POLR2I: variants seen among roughly 807,000 people sequenced by gnomAD.
The protein encoded by POLR2I is DNA-directed RNA polymerase II subunit RPB9.
POLR2I carries 15 observed loss-of-function variants against 23.0 expected under a neutral mutation model. The ratio of observed to expected loss-of-function variants is 0.65; its 90% CI spans 0.44 to 1.00. The LOEUF is 1.00. POLR2I is among the 50% of genes least tolerant of loss of function. The pLI, the probability that POLR2I is intolerant of heterozygous loss-of-function variation, is 0.00. For missense variants in POLR2I, 120 were observed against 173.7 expected (o/e 0.69, Z 1.74); for synonymous variants, 72 against 65.4 (o/e 1.10, Z -0.49).
chr19:36,114,374 G>T lies in POLR2I; in HGVS notation c.153C>A (p.Ser51Arg). Residue 51 changes from serine to arginine, a missense_variant, in exon 3 of 6, where the codon AGC (serine) becomes AGA (arginine). Ser to Arg is a moderately radical substitution (Grantham distance 110). Coordinates refer to ENST00000221859, the MANE Select transcript of POLR2I (RefSeq NM_006233.5). The surrounding 1 kb of genome is among the most constrained non-coding windows in gnomAD (Gnocchi z 4.5). The stretch of plus-strand genomic sequence containing the variant: ...GCGTGATCTTGTTGACATAGATGCA[G>T]CTGTTGTCGGCCTCCTGCTGGTAAT... The part of the protein sequence containing the change: ...NCDYQQEADN[S>R]CIYVNKITHE... 1 of 1,614,128 alleles carries T rather than the reference G, an allele frequency of 6.2e-7. No individual in the cohort carries two copies. The highest frequency in any genetic ancestry group is 2.2e-5 in the East Asian group (1 of 44,886).
chr19:36,113,937 G>T, intron 5 of POLR2I, 78 bp downstream of exon 5: 1 of 1,580,276 alleles, frequency 6.3e-7, no homozygotes, highest in Non-Finnish European at 8.7e-7. Flanking sequence ...GAAGCGCAGG[G>T]TCACCCACAT....
Position 36,114,610 on chromosome 19 carries a change from G to T in POLR2I, c.114+49C>A. 6.4e-7 allele frequency: 1 copy of T among 1,560,466 alleles called. No homozygotes were observed. The highest frequency in any genetic ancestry group is 8.8e-7 in the Non-Finnish European group (1 of 1,139,696). On this transcript the variant is annotated intron_variant, in intron 2 of 5. Transcript: ENST00000221859. This position sits in a 1 kb window ranked among gnomAD's most constrained non-coding sequence, Gnocchi z 4.5. ...ATCACAGAGGCAGGGGGCAGGGCGG[G>T]GCCACGCTGGGAACAGGTGGACCTG...
intron 5 of POLR2I, 23 bp downstream of exon 5, chr19:36,113,992 T>C: frequency 6.2e-7 from 1 of 1,612,124 alleles, no homozygotes; most frequent in Non-Finnish European, 8.5e-7. Context: ...CCCAGATACT[T>C]AGAAAGCCCT....
At chr19:36,113,913 C>T (rs1973890744) in intron 5 of POLR2I, 96 bp from the exon 6 acceptor site, 2 of 1,574,926 alleles carry the variant, frequency 1.3e-6, no homozygotes, top group Non-Finnish European at 1.7e-6. Flanking sequence ...GGTAAGGGCC[C>T]GGCAGAGTTC....
At position 36,114,128 on chromosome 19, in the gene POLR2I, T is replaced by C. The variant is rs1973896645; in HGVS notation, c.263+49A>G. The C allele has an allele frequency of 6.2e-7, 1 of 1,612,522 alleles. No individual in the cohort carries two copies. Among genetic ancestry groups the C allele is most frequent in the South Asian group, 1.1e-5 (1 of 91,054 alleles). On this transcript the variant is annotated intron_variant, in intron 4 of 5. Transcript: ENST00000221859. The surrounding 1 kb of genome is among the most constrained non-coding windows in gnomAD (Gnocchi z 4.5). ...ACCCTTCCCTCCTCCCTTCGCCCAG[T>C]GAGGAGACGAGCCTCACTTTACCTC...
Position 36,114,608 on chromosome 19 carries a change from G to A in POLR2I, c.114+51C>T, listed in dbSNP as rs1267109487. 3.9e-6 allele frequency: 6 copies of A among 1,548,796 alleles called. No individual in the cohort carries two copies. Among genetic ancestry groups the A allele is most frequent in the East Asian group, 2.3e-5 (1 of 44,328 alleles). On this transcript the variant is annotated intron_variant, in intron 2 of 5. Transcript: ENST00000221859. This position sits in a 1 kb window ranked among gnomAD's most constrained non-coding sequence, Gnocchi z 4.5. Reference sequence around the variant, plus strand: ...CGATCACAGAGGCAGGGGGCAGGGCGGGGCCACGCTGGGAACAGGTGGACC... The same window carrying A: ...CGATCACAGAGGCAGGGGGCAGGGCAGGGCCACGCTGGGAACAGGTGGACC...
At chr19:36,113,853 A>T (rs1263233925) in intron 5 of POLR2I, 36 bp from the exon 6 acceptor site, 1 of 1,609,490 alleles carries the variant, frequency 6.2e-7, no homozygotes, top group Non-Finnish European at 8.5e-7. Context: ...AAGGATTTGG[A>T]CCCAGCAGCG....
Position 36,114,639 on chromosome 19 carries a change from G to T in POLR2I, c.114+20C>A. On this transcript the variant is annotated intron_variant, in intron 2 of 5. Transcript: ENST00000221859. The surrounding 1 kb of genome is among the most constrained non-coding windows in gnomAD (Gnocchi z 4.5). ...ACGCTGGGAACAGGTGGACCTGCCG[G>T]GGAAGACCCCGGCGCTCACCGCGTA... The T allele has an allele frequency of 3.1e-6, 5 of 1,599,050 alleles. No homozygotes were observed. The highest frequency in any genetic ancestry group is 3.4e-6 in the Non-Finnish European group (4 of 1,169,076).
Position 36,113,772 on chromosome 19 carries a change from G to C in POLR2I, c.361C>G (p.His121Asp). 1 of 1,613,600 alleles carries C rather than the reference G, an allele frequency of 6.2e-7. No homozygotes were observed. The highest frequency in any genetic ancestry group is 1.1e-5 in the South Asian group (1 of 91,018). The change falls in exon 6 of 6, where the codon CAC becomes GAC. Residue 121 changes from histidine (H) to aspartate (D), a missense_variant. Physicochemically the swap from His to Asp is moderately conservative, Grantham distance 81 (BLOSUM62 -1). Coordinates refer to ENST00000221859, the MANE Select transcript of POLR2I (RefSeq NM_006233.5). ...YYVCTAPHCG[H>D]RWTE Reference sequence around the variant, plus strand: ...AGAGGAGGTCACTCGGTCCAGCGGTGGCCGCAGTGTGGGGCTGTGCACACG... The same window carrying C: ...AGAGGAGGTCACTCGGTCCAGCGGTCGCCGCAGTGTGGGGCTGTGCACACG...
At chr19:36,113,921 T>C in intron 5 of POLR2I, 94 bp downstream of exon 5, 1 of 1,575,098 alleles carries the variant, frequency 6.3e-7, no homozygotes, top group South Asian at 1.1e-5. Flanking sequence ...CCCGGCAGAG[T>C]TCCAAGAAGC....
In POLR2I at chr19:36,114,505, G is replaced by C; in HGVS notation, c.115-93C>G. The C allele has an allele frequency of 1.5e-6, 2 of 1,364,346 alleles. No individual in the cohort carries two copies. Among genetic ancestry groups the C allele is most frequent in the Non-Finnish European group, 1.0e-6 (1 of 959,200 alleles). The allele number at this position is 1,364,346 out of a possible 1,614,324, so 84.5% of individuals were successfully genotyped here. A position where few individuals can be genotyped will look rare whatever the true frequency, so the allele number is the denominator to read the frequency against. On this transcript the variant is annotated intron_variant, in intron 2 of 5. Coordinates refer to ENST00000221859, the MANE Select transcript of POLR2I (RefSeq NM_006233.5). This position sits in a 1 kb window ranked among gnomAD's most constrained non-coding sequence, Gnocchi z 4.5. ...GCAGGGTGATCCCGGAGGATATGAC[G>C]ACAGGACTCTCTTTGGGGATGGGCA...
chr19:36,113,842 G>A (rs373271375), intron 5 of POLR2I, 25 bp from the exon 6 acceptor site: 57 of 1,611,486 alleles, frequency 3.5e-5, no homozygotes, highest in Middle Eastern at 2.0e-4. Flanking sequence ...GCATGGTTAG[G>A]AAGGATTTGG....
rs370131754 is a variant in POLR2I at position 36,114,860 on chromosome 19, G to C, written c.-4C>G. 1 of 1,613,230 alleles carries C rather than the reference G, an allele frequency of 6.2e-7. No homozygotes were observed. Among genetic ancestry groups the C allele is most frequent in the Non-Finnish European group, 8.5e-7 (1 of 1,179,928 alleles). ...CGTAAGTCCCGTCGGGCTCCATGGC[G>C]ACGCGCAGCCCGCGCAGCCCTCCCA... is the stretch of plus-strand genomic sequence containing the variant. On this transcript the variant is annotated 5_prime_UTR_variant, in exon 1 of 6. Coordinates refer to ENST00000221859, the MANE Select transcript of POLR2I (RefSeq NM_006233.5). This position sits in a 1 kb window ranked among gnomAD's most constrained non-coding sequence, Gnocchi z 4.5.
chr19:36,114,268 G>A lies in POLR2I; in HGVS notation c.189-17C>T, dbSNP rs777495378. ...GTCAGTTCGCTGCAGGGACGCGGGG[G>A]TGCAAAATTACGCTCAGACCCAGCC... On this transcript the variant is annotated splice_polypyrimidine_tract_variant and intron_variant, in intron 3 of 5. Coordinates refer to ENST00000221859, the MANE Select transcript of POLR2I (RefSeq NM_006233.5). The surrounding 1 kb of genome is among the most constrained non-coding windows in gnomAD (Gnocchi z 4.5). The A allele has an allele frequency of 3.1e-6, 5 of 1,613,864 alleles. No individual in the cohort carries two copies. The South Asian group carries it at 4.4e-5, about 14-fold the overall frequency.
intron 5 of POLR2I, 65 bp from the exon 6 acceptor site, chr19:36,113,882 G>A (rs960553491): frequency 6.3e-7 from 1 of 1,596,390 alleles, no homozygotes; most frequent in African/African-American, 1.3e-5. Context: ...CAAAAGAACA[G>A]GCAAGAGAAC....
In POLR2I at chr19:36,114,338, C is replaced by A; in HGVS notation, c.188+1G>T. On this transcript the variant is annotated splice_donor_variant, in intron 3 of 5. Transcript: ENST00000221859. LOFTEE classifies it high-confidence loss of function. This position sits in a 1 kb window ranked among gnomAD's most constrained non-coding sequence, Gnocchi z 4.5. ...CCCCCAGCTCAGGGCCCGCCACTCA[C>A]TCCACTTCGTGCGTGATCTTGTTGA... The A allele has an allele frequency of 1.2e-6, 2 of 1,614,140 alleles. No individual in the cohort carries two copies. Among genetic ancestry groups the A allele is most frequent in the Non-Finnish European group, 1.7e-6 (2 of 1,180,008 alleles).
chr19:36,114,726 G>A lies in POLR2I; in HGVS notation c.60-13C>T, dbSNP rs963803574. 3 of 1,613,254 alleles carry A rather than the reference G, an allele frequency of 1.9e-6. No individual in the cohort carries two copies. ...CAGCATGTTGTTACTGTGGGGAGGGGGAGGTGCCAGGGGTTAGTTCTGGAG... is the reference window on the plus strand; with the variant it reads ...CAGCATGTTGTTACTGTGGGGAGGGAGAGGTGCCAGGGGTTAGTTCTGGAG... On this transcript the variant is annotated splice_polypyrimidine_tract_variant and intron_variant, in intron 1 of 5. Coordinates refer to ENST00000221859, the MANE Select transcript of POLR2I (RefSeq NM_006233.5). This position sits in a 1 kb window ranked among gnomAD's most constrained non-coding sequence, Gnocchi z 4.5.
At position 36,114,013 on chromosome 19, in the gene POLR2I, A is replaced by C; in HGVS notation, c.315+2T>G. On this transcript the variant is annotated splice_donor_variant, in intron 5 of 5. Transcript: ENST00000221859. LOFTEE classifies it high-confidence loss of function. This position sits in a 1 kb window ranked among gnomAD's most constrained non-coding sequence, Gnocchi z 4.5. ...TACTTAGAAAGCCCTCGCGCCACTT[A>C]CCTCGGCCCGCGCACTGTGTGACTG... 1 of 1,613,770 alleles carries C rather than the reference A, an allele frequency of 6.2e-7. No homozygotes were observed. Among genetic ancestry groups the C allele is most frequent in the Non-Finnish European group, 8.5e-7 (1 of 1,179,838 alleles).
chr19:36,113,866 T>C, intron 5 of POLR2I, 49 bp from the exon 6 acceptor site: 2 of 1,604,784 alleles, frequency 1.2e-6, no homozygotes, highest in Non-Finnish European at 1.7e-6. Flanking sequence ...CAGCAGCGCC[T>C]TACCCCAAAA....
Sources: allele counts gnomAD v4.1 joint callset, GRCh38; gene constraint gnomAD v4.1.1; non-coding constraint Gnocchi (gnomAD v3.1); transcripts MANE v1.5; gene names NCBI Gene and HGNC (gene_info 2026-07-23, HGNC 2026-07-21).